Variants in GRM8 observed in about 807,000 individuals in gnomAD.
GRM8 encodes the protein metabotropic glutamate receptor 8.
In GRM8, 47 loss-of-function variants were observed where a neutral mutation model predicts 87.2. The observed-to-expected ratio is 0.54, with a 90% CI of 0.43 to 0.69. The LOEUF is 0.69. Among genes scored for constraint, GRM8 ranks in the 30% least tolerant of loss-of-function variants. The pLI is 0.00. For missense variants in GRM8, 1,019 were observed against 1,139.2 expected (o/e 0.89, Z 1.52); for synonymous variants, 396 against 404.5 (o/e 0.98, Z 0.25).
chr7:126,927,062 C>T (rs1370033497), intron 3 of GRM8, among the ~76,000 whole-genome samples: 2 of 152,174 alleles, frequency 1.3e-5, no homozygotes, highest in African/African-American at 4.8e-5. Context: ...ATGAATGCTC[C>T]AGTCTCTGTT....
intron 9 of GRM8, among the ~76,000 whole-genome samples, chr7:126,461,082 G>T (rs1235734164): frequency 2.0e-5 from 3 of 151,164 alleles, no homozygotes; most frequent in African/African-American, 4.8e-5. Flanking sequence ...GACCTATTTT[G>T]CCCCCACCCA....
chr7:126,611,382 G>C (rs1285996864), intron 7 of GRM8, among the ~76,000 whole-genome samples: 1 of 152,150 alleles, frequency 6.6e-6, no homozygotes, highest in Non-Finnish European at 1.5e-5. Context: ...TTAGAACAGT[G>C]CATGGGGATA....
chr7:126,526,909 T>A (rs565477833), intron 9 of GRM8, among the ~76,000 whole-genome samples: 13 of 152,290 alleles, frequency 8.5e-5, no homozygotes, highest in African/African-American at 1.9e-4. Flanking sequence ...CCAGTTTTTT[T>A]AAAATTTACT....
chr7:126,904,153 T>C (rs1359767309), intron 4 of GRM8, 27 bp from the exon 5 acceptor site: 4 of 1,562,530 alleles, frequency 2.6e-6, no homozygotes, highest in South Asian at 2.2e-5. Context: ...AAATAATGCA[T>C]ATCACATGTA....
chr7:127,020,619 G>A (rs1468012052), intron 3 of GRM8, among the ~76,000 whole-genome samples: 1 of 152,036 alleles, frequency 6.6e-6, no homozygotes, highest in Non-Finnish European at 1.5e-5. Flanking sequence ...ATATTTTCCT[G>A]CAGGAACTAG....
At chr7:126,619,178 G>A (rs145183523) in intron 7 of GRM8, among the ~76,000 whole-genome samples, 3,701 of 152,290 alleles carry the variant, frequency 0.024, 141 homozygotes, top group African/African-American at 0.085. Flanking sequence ...TATACACCAC[G>A]GAGTACTATG....
intron 3 of GRM8, among the ~76,000 whole-genome samples, chr7:127,071,394 C>T (rs1821669669): frequency 6.6e-6 from 1 of 152,050 alleles, no homozygotes; most frequent in Non-Finnish European, 1.5e-5. Context: ...TTTCTACAGA[C>T]TTGGTGTTCA....
chr7:126,731,324 T>C (rs1279410537), intron 7 of GRM8, among the ~76,000 whole-genome samples: 1 of 152,130 alleles, frequency 6.6e-6, no homozygotes, highest in Non-Finnish European at 1.5e-5. Flanking sequence ...TAGACCCAAC[T>C]TTGAATTAAA....
chr7:127,083,175 T>A (rs144048999), intron 3 of GRM8, among the ~76,000 whole-genome samples: 7 of 152,314 alleles, frequency 4.6e-5, no homozygotes, highest in Admixed American at 2.0e-4. Context: ...TAATATTTTT[T>A]AAAATATTAG....
chr7:126,616,216 GA>G (rs1799474805), intron 7 of GRM8, among the ~76,000 whole-genome samples: 1 of 152,180 alleles, frequency 6.6e-6, no homozygotes, highest in Admixed American at 6.5e-5. Context: ...TCAGGATTAA[GA>G]ATCTCACTCA....
intron 9 of GRM8, among the ~76,000 whole-genome samples, chr7:126,488,142 C>T (rs780675374): frequency 1.3e-5 from 2 of 151,794 alleles, no homozygotes; most frequent in Admixed American, 6.6e-5. Flanking sequence ...ATTTTCCTTG[C>T]TTTATCAATA....
At chr7:126,645,839 T>G (rs1200166696) in intron 7 of GRM8, among the ~76,000 whole-genome samples, 1 of 152,176 alleles carries the variant, frequency 6.6e-6, no homozygotes, top group East Asian at 1.9e-4. Flanking sequence ...GCTCAACAAA[T>G]AGTGCCCCTC....
At chr7:126,893,047 T>A (rs1801208728) in intron 6 of GRM8, among the ~76,000 whole-genome samples, 2 of 152,120 alleles carry the variant, frequency 1.3e-5, no homozygotes, top group African/African-American at 4.8e-5. Flanking sequence ...GAAACCTTTT[T>A]AAATGACATT....
chr7:126,624,324 C>T (rs1020359199), intron 7 of GRM8, among the ~76,000 whole-genome samples: 1 of 152,098 alleles, frequency 6.6e-6, no homozygotes, highest in Non-Finnish European at 1.5e-5. Context: ...ATGAAGGTTG[C>T]TCTCTCTCAG....
chr7:126,527,912 G>C (rs552156104), intron 9 of GRM8, among the ~76,000 whole-genome samples: 1 of 152,266 alleles, frequency 6.6e-6, no homozygotes, highest in Admixed American at 6.5e-5. Context: ...CTATGTTTAA[G>C]AAAACACTTT....
rs747689248 is a variant in GRM8, at chr7:126,685,208, C to T, written c.1358-75710G>A. Among the ~76,000 whole-genome samples the T allele has an allele frequency of 6.6e-6, 1 of 152,168 alleles. No homozygotes were observed. The highest frequency in any genetic ancestry group is 1.5e-5 in the Non-Finnish European group (1 of 68,014). On this transcript the variant is annotated intron_variant, in intron 7 of 10. Coordinates refer to ENST00000339582, the MANE Select transcript of GRM8 (RefSeq NM_000845.3). This position sits in a 1 kb window ranked among gnomAD's most constrained non-coding sequence, Gnocchi z 4.2. Reference sequence around the variant, plus strand: ...TCCCTAGAGACTTCCCCTGGGGGACCCCCTGGAGCCTACCACCCTGGGGGC... The same window carrying T: ...TCCCTAGAGACTTCCCCTGGGGGACTCCCTGGAGCCTACCACCCTGGGGGC...
chr7:127,170,315 G>T (rs1793715758), intron 2 of GRM8, among the ~76,000 whole-genome samples: 1 of 152,076 alleles, frequency 6.6e-6, no homozygotes, highest in Non-Finnish European at 1.5e-5. Context: ...TGCAAGAATC[G>T]CCATACTCAA....
intron 2 of GRM8, chr7:127,112,445 TCA>T (rs1489232548): frequency 2.0e-5 from 3 of 152,204 alleles, no homozygotes; most frequent in Non-Finnish European, 4.4e-5. Context: ...TCTGCATTGT[TCA>T]CAGATGTAAC....
intron 2 of GRM8, among the ~76,000 whole-genome samples, chr7:127,140,519 T>C (rs1016906662): frequency 6.6e-6 from 1 of 152,162 alleles, no homozygotes; most frequent in African/African-American, 2.4e-5. Context: ...TTCTGACTTA[T>C]TCTGTCTAAC....
Sources: gnomAD v4.1 joint callset for allele counts (sites outside exome capture counted in the v4.1 genomes callset) on GRCh38, gnomAD v4.1.1 for gene constraint, Gnocchi (gnomAD v3.1) non-coding constraint, MANE v1.5 for transcripts, NCBI Gene and HGNC (gene_info 2026-07-23, HGNC 2026-07-21) for gene names.